Variants in SERPINB12 observed in about 807,000 individuals in gnomAD.
SERPINB12 encodes serpin B12.
Under a neutral mutation model 41.1 loss-of-function variants are expected in SERPINB12, and 57 were observed. The observed-to-expected ratio is 1.39, with a 90% CI of 1.12 to 1.73. The LOEUF is 1.73. SERPINB12 is among the 40% of genes most tolerant of loss of function. The pLI is 0.00. For missense variants in SERPINB12, 536 were observed against 501.9 expected, an observed-to-expected ratio of 1.07 and a Z score of -0.65; for synonymous variants, 180 against 181.3, an observed-to-expected ratio of 0.99 and a Z score of 0.06.
At chr18:63,530,476 T>C in the SERPINB12 span, among the ~76,000 whole-genome samples, 4 of 152,162 alleles carry the variant, frequency 2.6e-5, no homozygotes, top group Non-Finnish European at 1.5e-5. Context: ...AGGAAGAACT[T>C]CCTTCTATTG....
the SERPINB12 span, among the ~76,000 whole-genome samples, chr18:63,535,112 G>A: frequency 2.0e-5 from 3 of 152,120 alleles, no homozygotes; most frequent in African/African-American, 7.2e-5. Flanking sequence ...TAAATATAGA[G>A]AGAATACTGG....
intron 1 of SERPINB12, among the ~76,000 whole-genome samples, chr18:63,549,703 G>A (rs968867855): frequency 1.3e-5 from 2 of 152,192 alleles, no homozygotes; most frequent in Non-Finnish European, 2.9e-5. Flanking sequence ...GCCTTCCAGA[G>A]AGGGAGTTCA....
rs566947599 is a variant in SERPINB12, at chr18:63,554,038, G to A, written c.-18-2104G>A. 9.5e-5 allele frequency among the ~76,000 whole-genome samples: 14 copies of A among 147,850 alleles called. 1 individual carries two copies. In the South Asian group the frequency reaches 1.1e-3, roughly 11 times the overall value. The stretch of plus-strand genomic sequence containing the variant: ...AAATTAGTTTGAAAATACAAAGTAC[G>A]TCTCAAACCCAGTTCCCAGATGCAA... On this transcript the variant is annotated intron_variant, in intron 1 of 7. Transcript: ENST00000382768.
the SERPINB12 span, among the ~76,000 whole-genome samples, chr18:63,533,122 C>A: frequency 1.3e-5 from 2 of 152,064 alleles, no homozygotes; most frequent in Non-Finnish European, 2.9e-5. Context: ...GGATTACAGG[C>A]GCCCACCACC....
chr18:63,564,554 C>T (rs776286482), intron 6 of SERPINB12, among the ~76,000 whole-genome samples: 5 of 152,204 alleles, frequency 3.3e-5, no homozygotes, highest in Admixed American at 1.3e-4. Flanking sequence ...ACTGGAGATG[C>T]ATTTTTCTCT....
the SERPINB12 span, among the ~76,000 whole-genome samples, chr18:63,525,790 T>C: frequency 4.8e-3 from 734 of 152,324 alleles, 3 homozygotes; most frequent in African/African-American, 0.016. Context: ...TAAGTGATTT[T>C]ATAGCCTGTA....
At chr18:63,541,278 C>T (rs1219173337), upstream of SERPINB12, among the ~76,000 whole-genome samples, 1 of 152,152 alleles carries the variant, frequency 6.6e-6, no homozygotes, top group Non-Finnish European at 1.5e-5. Flanking sequence ...ACACCCACAG[C>T]ACCATAGGGC....
intron 3 of SERPINB12, 99 bp downstream of exon 3, chr18:63,558,585 G>T (rs1315783085): frequency 3.1e-6 from 4 of 1,291,074 alleles, no homozygotes; most frequent in East Asian, 2.5e-5. Flanking sequence ...CCAAATATTA[G>T]ACTCTGGATA....
At chr18:63,551,125 C>T (rs893145094) in intron 1 of SERPINB12, among the ~76,000 whole-genome samples, 14 of 151,542 alleles carry the variant, frequency 9.2e-5, no homozygotes, top group Admixed American at 7.9e-4. Flanking sequence ...AAAAATTAGC[C>T]GGTTGTAGTG....
rs1220391786 is a variant in SERPINB12, at chr18:63,558,414, C to T, written c.231C>T (p.Ser77=). 1.2e-6 allele frequency: 2 copies of T among 1,612,996 alleles called. No homozygotes were observed. The highest frequency in any genetic ancestry group is 1.7e-6 in the Non-Finnish European group (2 of 1,179,548). The change falls in exon 3 of 8, where the codon AGC becomes AGT. Residue 77 remains serine (S), a synonymous_variant. Transcript: ENST00000382768. Reference sequence around the variant, plus strand: ...AAGAACCTGACCCTTGTCTGAAAAGCAACAAACAAAAAGTGCTGGCTGACA... The same window carrying T: ...AAGAACCTGACCCTTGTCTGAAAAGTAACAAACAAAAAGTGCTGGCTGACA... ...ESKEPDPCLK[S]NKQKVLADSS... is the part of the protein sequence containing the mutation.
At chr18:63,531,475 G>C in the SERPINB12 span, among the ~76,000 whole-genome samples, 1 of 152,160 alleles carries the variant, frequency 6.6e-6, no homozygotes. Flanking sequence ...AAAGATTTAA[G>C]AGTAGGAAAG....
chr18:63,537,043 G>C, the SERPINB12 span, among the ~76,000 whole-genome samples: 7 of 151,878 alleles, frequency 4.6e-5, no homozygotes, highest in Non-Finnish European at 8.8e-5. Flanking sequence ...GAAGATGAAT[G>C]ATTATATACT....
the SERPINB12 span, among the ~76,000 whole-genome samples, chr18:63,523,703 C>G: frequency 6.6e-6 from 1 of 152,188 alleles, no homozygotes; most frequent in Non-Finnish European, 1.5e-5. Context: ...CATTGCTTTT[C>G]TAAGCCTTCA....
rs765099275 is a variant in SERPINB12, at chr18:63,564,110, G to C, written c.695G>C (p.Cys232Ser). 4 of 1,612,498 alleles carry C rather than the reference G, an allele frequency of 2.5e-6. No individual in the cohort carries two copies. In the South Asian group the frequency reaches 3.3e-5, roughly 13 times the overall value. ...DHENTVDAPF[C>S]LNANENKSVK... is the part of the protein sequence containing the mutation. ...GAAAACACGGTGGATGCACCTTTCTGTCTAAATGCGGTAGTGTATCAGAAC... is the reference window on the plus strand; with the variant it reads ...GAAAACACGGTGGATGCACCTTTCTCTCTAAATGCGGTAGTGTATCAGAAC... Residue 232 changes from cysteine (C) to serine (S), a missense_variant, in exon 6 of 8, where the codon TGT (cysteine) becomes TCT (serine). Coordinates refer to ENST00000382768, the MANE Select transcript of SERPINB12 (RefSeq NM_001307928.2).
At chr18:63,558,858 G>A (rs766858886) in intron 3 of SERPINB12, among the ~76,000 whole-genome samples, 3 of 152,060 alleles carry the variant, frequency 2.0e-5, no homozygotes, top group Admixed American at 6.5e-5. Flanking sequence ...GTTCCATTTC[G>A]TGCTGAAATC....
chr18:63,555,112 T>A (rs1418394796), intron 1 of SERPINB12, among the ~76,000 whole-genome samples: 1 of 152,216 alleles, frequency 6.6e-6, no homozygotes, highest in Non-Finnish European at 1.5e-5. Flanking sequence ...TCTCTGGTAT[T>A]CTTTGTAGCA....
At chr18:63,563,905 A>G (rs1437592167) in intron 5 of SERPINB12, 73 bp from the exon 6 acceptor site, 5 of 1,402,230 alleles carry the variant, frequency 3.6e-6, no homozygotes, top group East Asian at 2.4e-5. Flanking sequence ...TCAAAAAAAA[A>G]AAAAAAAAAT....
At chr18:63,528,243 A>T in the SERPINB12 span, among the ~76,000 whole-genome samples, 2 of 152,172 alleles carry the variant, frequency 1.3e-5, no homozygotes, top group Non-Finnish European at 2.9e-5. Context: ...TTTAATAGCC[A>T]CAAATTATCC....
At chr18:63,521,886 T>C in the SERPINB12 span, among the ~76,000 whole-genome samples, 376 of 152,266 alleles carry the variant, frequency 2.5e-3, 1 homozygote, top group African/African-American at 8.7e-3. Context: ...TCGTTCTTAG[T>C]TGGAGCATTG....
Sources: gnomAD v4.1 joint callset for allele counts (sites outside exome capture counted in the v4.1 genomes callset) on GRCh38, gnomAD v4.1.1 for gene constraint, MANE v1.5 for transcripts, NCBI Gene and HGNC (gene_info 2026-07-23, HGNC 2026-07-21) for gene names.